FSIP2: variants seen among roughly 807,000 people sequenced by gnomAD.
The protein encoded by FSIP2 is fibrous sheath-interacting protein 2.
In FSIP2, 367 loss-of-function variants were observed where a neutral mutation model predicts 510.5. The ratio of observed to expected loss-of-function variants is 0.72; its 90% CI spans 0.66 to 0.78. FSIP2 has a LOEUF of 0.78. Among genes scored for constraint, FSIP2 ranks in the 30% least tolerant of loss-of-function variants. The probability of loss-of-function intolerance (pLI) is 0.00; values close to 1 mark genes in which losing one functional copy is unlikely to be tolerated. For missense variants in FSIP2, 7,594 were observed against 7,901.7 expected (o/e 0.96, Z 1.48); for synonymous variants, 2,601 against 2,732.2 (o/e 0.95, Z 1.50).
chr2:185,769,846 C>A (rs1692571264), intron 13 of FSIP2, among the ~76,000 whole-genome samples: 1 of 152,094 alleles, frequency 6.6e-6, no homozygotes, highest in African/African-American at 2.4e-5. Flanking sequence ...CCAGTTATTC[C>A]AGAACCATTT....
intron 13 of FSIP2, among the ~76,000 whole-genome samples, chr2:185,782,424 T>A (rs1489085003): frequency 6.6e-6 from 1 of 152,132 alleles, no homozygotes; most frequent in Non-Finnish European, 1.5e-5. Context: ...CAGAGAAGCA[T>A]GAGAAACATG....
At position 185,795,184 on chromosome 2, in the gene FSIP2, G is replaced by C. The variant is rs1693238317; in HGVS notation, c.8048G>C (p.Gly2683Ala). The C allele has an allele frequency of 6.5e-7, 1 of 1,534,596 alleles. No homozygotes were observed. Among genetic ancestry groups the C allele is most frequent in the Non-Finnish European group, 8.7e-7 (1 of 1,146,118 alleles). ...AAATTTACAAAAAAAACACACTTAG[G>C]ACTGAGTGCTGCTAAGGCCAAAAGC... ...LPKFTKKTHL[G>A]LSAAKAKSKT... Residue 2683 changes from glycine to alanine, a missense_variant, in exon 16 of 23, where the codon GGA becomes GCA. By Grantham distance (60) the Gly-to-Ala change is moderately conservative. Transcript: ENST00000424728.
Position 185,791,994 on chromosome 2 carries a change from G to A in FSIP2, c.4858G>A (p.Glu1620Lys). ...GNKKSNKIGW[E>K]YESTNISRDT... ...TAAGAAAAGCAATAAGATAGGCTGG[G>A]AATATGAAAGCACCAATATTTCCAG... is the stretch of plus-strand genomic sequence containing the variant. The change falls in exon 16 of 23, where the codon GAA (glutamate) becomes AAA (lysine). Residue 1620 changes from glutamate to lysine, a missense_variant. Transcript: ENST00000424728. The A allele has an allele frequency of 6.5e-7, 1 of 1,533,828 alleles. No homozygotes were observed. The highest frequency in any genetic ancestry group is 2.4e-5 in the East Asian group (1 of 40,834).
chr2:185,801,991 G>A lies in FSIP2; in HGVS notation c.12685G>A (p.Val4229Ile), dbSNP rs1693449192. The A allele has an allele frequency of 6.6e-7, 1 of 1,523,430 alleles. No individual in the cohort carries two copies. Among genetic ancestry groups the A allele is most frequent in the Non-Finnish European group, 8.8e-7 (1 of 1,141,636 alleles). The allele number at this position is 1,523,430 out of a possible 1,614,324, so 94.4% of individuals were successfully genotyped here. Reference sequence around the variant, plus strand: ...TATTTTGCAAATGTCTGACTCTCTTGTTTCAATACAAAAAAGTATAGTAAG... The same window carrying A: ...TATTTTGCAAATGTCTGACTCTCTTATTTCAATACAAAAAAGTATAGTAAG... ...CNILQMSDSL[V>I]SIQKSIVSRS... Residue 4229 changes from valine to isoleucine, a missense_variant, in exon 17 of 23, where the codon GTT becomes ATT. Coordinates refer to ENST00000424728, the MANE Select transcript of FSIP2 (RefSeq NM_173651.4).
Position 185,791,177 on chromosome 2 carries a change from T to C in FSIP2, c.4041T>C (p.Ser1347=), listed in dbSNP as rs2105614152. 6.5e-7 allele frequency: 1 copy of C among 1,533,760 alleles called. No homozygotes were observed. Among genetic ancestry groups the C allele is most frequent in the Non-Finnish European group, 8.7e-7 (1 of 1,145,266 alleles). Reference sequence around the variant, plus strand: ...AAAAATTAGAATCTCTTGTCACGAGTATTGATGATGACATTTTGGCGAGTC... The same window carrying C: ...AAAAATTAGAATCTCTTGTCACGAGCATTGATGATGACATTTTGGCGAGTC... The part of the protein sequence containing the change: ...TDKKLESLVT[S]IDDDILASPL... Residue 1347 remains serine (S), a synonymous_variant, in exon 16 of 23, where the codon AGT becomes AGC. Coordinates refer to ENST00000424728, the MANE Select transcript of FSIP2 (RefSeq NM_173651.4).
chr2:185,831,874 T>C lies in FSIP2; in HGVS notation c.20579T>C (p.Val6860Ala), dbSNP rs1303736153. ...GGCAGTGCAAATCCCTCAAAGGAAG[T>C]CATTTCAGGTACAAAATGTACTATT... ...VLGSANPSKE[V>A]ISETPKPDVS... is the part of the protein sequence containing the mutation. Residue 6860 changes from valine to alanine, a missense_variant, in exon 22 of 23, where the codon GTC (valine) becomes GCC (alanine). Coordinates refer to ENST00000424728, the MANE Select transcript of FSIP2 (RefSeq NM_173651.4). The C allele has an allele frequency of 1.3e-6, 2 of 1,589,408 alleles. No individual in the cohort carries two copies. Among genetic ancestry groups the C allele is most frequent in the African/African-American group, 1.3e-5 (1 of 74,330 alleles).
At chr2:185,823,973 A>G (rs1693970352) in intron 19 of FSIP2, among the ~76,000 whole-genome samples, 1 of 151,832 alleles carries the variant, frequency 6.6e-6, no homozygotes. Flanking sequence ...TAATTGGTAT[A>G]CGTCAGCAAA....
Position 185,791,111 on chromosome 2 carries a change from C to T in FSIP2, c.3975C>T (p.Thr1325=). 1 of 1,530,684 alleles carries T rather than the reference C, an allele frequency of 6.5e-7. No individual in the cohort carries two copies. Among genetic ancestry groups the T allele is most frequent in the African/African-American group, 1.4e-5 (1 of 72,840 alleles). The allele number at this position is 1,530,684 out of a possible 1,614,324, so 94.8% of individuals were successfully genotyped here. The change falls in exon 16 of 23, where the codon ACC becomes ACT. Residue 1325 remains threonine (T), a synonymous_variant. Coordinates refer to ENST00000424728, the MANE Select transcript of FSIP2 (RefSeq NM_173651.4). ...TAAATCTTAGGGAGATTGACCATACCAAATCCCTTACAGATAAAGGATTTT... is the reference window on the plus strand; with the variant it reads ...TAAATCTTAGGGAGATTGACCATACTAAATCCCTTACAGATAAAGGATTTT... ...ENLNLREIDH[T]KSLTDKGFFA... is the part of the protein sequence containing the mutation.
rs923170431 is a variant in FSIP2 at position 185,800,135 on chromosome 2, G to C, written c.10829G>C (p.Gly3610Ala). The change falls in exon 17 of 23, where the codon GGA (glycine) becomes GCA (alanine). Residue 3610 changes from glycine to alanine, a missense_variant. Transcript: ENST00000424728. ...FDDLFQDLLV[G>A]VIHVLSKEIE... ...GACCTCTTTCAGGATCTCTTAGTAG[G>C]AGTGATTCATGTACTGTCCAAAGAA... The C allele has an allele frequency of 2.0e-6, 3 of 1,533,908 alleles. No individual in the cohort carries two copies. The East Asian group carries it at 7.4e-5, about 38-fold the overall frequency.
chr2:185,803,588 C>T lies in FSIP2; in HGVS notation c.14282C>T (p.Ala4761Val). The change falls in exon 17 of 23, where the codon GCA (alanine) becomes GTA (valine). Residue 4761 changes from alanine (A) to valine (V), a missense_variant. Physicochemically the swap from Ala to Val is moderately conservative, Grantham distance 64 (BLOSUM62 0). Transcript: ENST00000424728. ...LPFKSHSKLS[A>V]NVLIQRVQYD... ...TTTAAATCACATTCCAAACTCAGTG[C>T]AAATGTTTTAATACAAAGAGTTCAA... 6.5e-7 allele frequency: 1 copy of T among 1,531,196 alleles called. No individual in the cohort carries two copies. Among genetic ancestry groups the T allele is most frequent in the Non-Finnish European group, 8.7e-7 (1 of 1,143,874 alleles). The allele number at this position is 1,531,196 out of a possible 1,614,324, so 94.9% of individuals were successfully genotyped here.
chr2:185,809,633 G>A (rs1420581247), intron 17 of FSIP2, among the ~76,000 whole-genome samples: 2 of 151,956 alleles, frequency 1.3e-5, no homozygotes, highest in African/African-American at 2.4e-5. Flanking sequence ...ATCAGCAAAC[G>A]TTGGACTGCC....
rs1693645400 is a variant in FSIP2 at position 185,808,492 on chromosome 2, A to C, written c.19186A>C (p.Ser6396Arg). 1 of 1,608,826 alleles carries C rather than the reference A, an allele frequency of 6.2e-7. No homozygotes were observed. Among genetic ancestry groups the C allele is most frequent in the African/African-American group, 1.3e-5 (1 of 74,548 alleles). The change falls in exon 17 of 23, where the codon AGT becomes CGT. Residue 6396 changes from serine to arginine, a missense_variant. Coordinates refer to ENST00000424728, the MANE Select transcript of FSIP2 (RefSeq NM_173651.4). ...SKLVTAEISR[S>R]SISLIASDPE... is the part of the protein sequence containing the mutation. The stretch of plus-strand genomic sequence containing the variant: ...ATTGGTAACAGCTGAAATTTCCAGA[A>C]GTAGCATTAGTCTAATAGCTTCTGA...
intron 17 of FSIP2, 143 bp from the exon 18 acceptor site, chr2:185,813,402 T>C (rs906697280): frequency 4.4e-6 from 2 of 457,548 alleles, no homozygotes; most frequent in Non-Finnish European, 7.3e-6. Context: ...TTTAAAAATA[T>C]TGCTAATATA....
chr2:185,738,742 G>A (rs893296636), upstream of FSIP2: 4 of 1,535,886 alleles, frequency 2.6e-6, no homozygotes, highest in Non-Finnish European at 3.5e-6. Context: ...CGCCCTTCTG[G>A]GGCCGCTACC....
chr2:185,746,893 G>T, intron 6 of FSIP2, 83 bp downstream of exon 6: 1 of 935,254 alleles, frequency 1.1e-6, no homozygotes, highest in Non-Finnish European at 1.5e-6. Context: ...TGTACATTGT[G>T]CTGCTTGAAG....
At chr2:185,769,146 T>C (rs1692556734) in intron 13 of FSIP2, among the ~76,000 whole-genome samples, 1 of 152,202 alleles carries the variant, frequency 6.6e-6, no homozygotes, top group Admixed American at 6.5e-5. Context: ...TTTGGGTATA[T>C]AGCCAGTAAT....
At position 185,797,036 on chromosome 2, in the gene FSIP2, AAG is replaced by A. The variant is rs756299435; in HGVS notation, c.9903_9904del (p.Arg3301SerfsTer5). ...FIEMGKGENLRVFHYENLKPV... is the reference protein window; with the variant it reads ...FIEMGKGENLXVFHYENLKPV... The stretch of plus-strand genomic sequence containing the variant: ...TAGAAATGGGAAAAGGTGAAAATCT[AAG>A]AGTGTTTCATTATGAGAACCTAAAA... On this transcript the variant is annotated frameshift_variant, in exon 16 of 23. Transcript: ENST00000424728. LOFTEE classifies it high-confidence loss of function. The A allele has an allele frequency of 8.5e-6, 13 of 1,535,180 alleles. No individual in the cohort carries two copies. The highest frequency in any genetic ancestry group is 2.4e-5 in the South Asian group (2 of 84,038).
At chr2:185,825,259 C>T (rs548101827) in intron 20 of FSIP2, among the ~76,000 whole-genome samples, 9 of 151,840 alleles carry the variant, frequency 5.9e-5, no homozygotes, top group Admixed American at 3.9e-4. Context: ...CCTATAATGT[C>T]TGAATTGTGG....
At chr2:185,739,069 C>G in intron 1 of FSIP2, 76 bp downstream of exon 1, 6 of 1,451,458 alleles carry the variant, frequency 4.1e-6, no homozygotes, top group Non-Finnish European at 5.4e-6. Context: ...GGGATCGCCA[C>G]ACACGGGTCG....
Sources: allele counts gnomAD v4.1 joint callset (sites outside exome capture counted in the v4.1 genomes callset), GRCh38; gene constraint gnomAD v4.1.1; transcripts MANE v1.5; gene names NCBI Gene and HGNC (gene_info 2026-07-23, HGNC 2026-07-21).